TMTC4: variants seen among roughly 807,000 people sequenced by gnomAD.
TMTC4 encodes protein O-mannosyl-transferase TMTC4.
Under a neutral mutation model 86.0 loss-of-function variants are expected in TMTC4, and 65 were observed. The ratio of observed to expected loss-of-function variants is 0.76; its 90% CI spans 0.62 to 0.93. The LOEUF (loss-of-function observed/expected upper bound fraction) is 0.93. TMTC4 is among the 40% of genes least tolerant of loss of function. TMTC4 has a pLI of 0.00. For missense variants in TMTC4, 866 were observed against 948.1 expected, an observed-to-expected ratio of 0.91 and a Z score of 1.14; for synonymous variants, 379 against 382.5, an observed-to-expected ratio of 0.99 and a Z score of 0.11.
rs115416401 is a variant in TMTC4 at position 100,614,509 on chromosome 13, A to G, written c.1837-79T>C. On this transcript the variant is annotated intron_variant, in intron 15 of 18. Transcript: ENST00000342624. The stretch of plus-strand genomic sequence containing the variant: ...TCCAAGACATTATTAAAAAAAAAAA[A>G]AAAGAAAGAAAAAGCCCAACAAACA... The G allele has an allele frequency of 9.2e-4, 1,020 of 1,105,284 alleles. 9 individuals carry two copies. In the African/African-American group the frequency reaches 0.013, roughly 15 times the overall value. 68.5% of individuals were successfully genotyped at this position (1,105,284 alleles called of 1,614,324 possible).
chr13:100,672,413 C>T (rs1281010224), intron 1 of TMTC4, among the ~76,000 whole-genome samples: 3 of 152,202 alleles, frequency 2.0e-5, no homozygotes, highest in Non-Finnish European at 4.4e-5. Context: ...CCTCAATGAC[C>T]TGAGCCAGGC....
In TMTC4 at chr13:100,656,466, A is replaced by T; in HGVS notation, c.555T>A (p.Val185=). ...GGTCTGCACGGCCGACAACACCAGC[A>T]ACCTTAAAAAAGGGGGAAGAAAACA... is the stretch of plus-strand genomic sequence containing the variant. ...FAVHPVHTEC[V]AGVVGRADLL... The change falls in exon 6 of 19, where the codon GTT becomes GTA. Residue 185 remains valine (V), a splice_region_variant and synonymous_variant. Transcript: ENST00000342624. 1 of 1,600,410 alleles carries T rather than the reference A, an allele frequency of 6.2e-7. No individual in the cohort carries two copies. Among genetic ancestry groups the T allele is most frequent in the Non-Finnish European group, 8.5e-7 (1 of 1,174,444 alleles).
At chr13:100,670,910 C>T (rs974454254) in intron 1 of TMTC4, among the ~76,000 whole-genome samples, 42 of 152,346 alleles carry the variant, frequency 2.8e-4, no homozygotes, top group African/African-American at 8.9e-4. Context: ...GCTGAGATCA[C>T]ACCTCGGCTC....
chr13:100,656,183 T>A (rs1885085168), intron 6 of TMTC4, among the ~76,000 whole-genome samples, 198 bp downstream of exon 6: 1 of 152,232 alleles, frequency 6.6e-6, no homozygotes, highest in Non-Finnish European at 1.5e-5. Flanking sequence ...AACACCAGTG[T>A]CAGAGCTTTG....
At chr13:100,643,613 A>G (rs970091131) in intron 6 of TMTC4, among the ~76,000 whole-genome samples, 1 of 152,234 alleles carries the variant, frequency 6.6e-6, no homozygotes, top group African/African-American at 2.4e-5. Flanking sequence ...GGAGGGAGAA[A>G]GTCTTACTTT....
intron 15 of TMTC4, among the ~76,000 whole-genome samples, chr13:100,623,160 A>G (rs931570503): frequency 2.0e-5 from 3 of 152,260 alleles, no homozygotes; most frequent in Admixed American, 2.0e-4. Context: ...CCAAGTTCAG[A>G]CAGAGCTGCT....
chr13:100,659,233 T>C (rs1347583589), intron 5 of TMTC4, among the ~76,000 whole-genome samples: 2 of 152,188 alleles, frequency 1.3e-5, no homozygotes, highest in Non-Finnish European at 2.9e-5. Context: ...ACGTCTGGGT[T>C]CATTAGACAG....
At chr13:100,614,271 C>T (rs79807894) in intron 16 of TMTC4, 45 bp downstream of exon 16, 3 of 1,434,238 alleles carry the variant, frequency 2.1e-6, no homozygotes, top group Non-Finnish European at 2.9e-6. Flanking sequence ...TGGCATTTTA[C>T]TGTGGAGCCA....
intron 1 of TMTC4, among the ~76,000 whole-genome samples, chr13:100,672,487 T>G (rs1887234491): frequency 6.6e-6 from 1 of 152,200 alleles, no homozygotes; most frequent in Admixed American, 6.5e-5. Context: ...CCACCCTCTC[T>G]ACATCCCTTC....
chr13:100,672,485 T>C (rs1272963349), intron 1 of TMTC4, among the ~76,000 whole-genome samples: 1 of 152,144 alleles, frequency 6.6e-6, no homozygotes. Context: ...GACCACCCTC[T>C]CTACATCCCT....
rs118150059 is a variant in TMTC4 at position 100,667,156 on chromosome 13, G to A, written c.219+1423C>T. On this transcript the variant is annotated intron_variant, in intron 3 of 18. Coordinates refer to ENST00000342624, the MANE Select transcript of TMTC4 (RefSeq NM_032813.5). ...CTTGAATTAAAAATAAATATTGGCC[G>A]GGTGTGGTGGCTCACACCTGTAATC... Among the ~76,000 whole-genome samples, 231 of 152,272 alleles carry A rather than the reference G, an allele frequency of 1.5e-3. 4 individuals carry two copies. The East Asian group carries it at 0.02, about 13-fold the overall frequency.
In TMTC4 at chr13:100,662,992, A is replaced by T. The variant is rs1885964090; in HGVS notation, c.524T>A (p.Phe175Tyr). The stretch of plus-strand genomic sequence containing the variant: ...CTCGGTGTGCACAGGATGGACAGCA[A>T]ACAGCAGCGCGGCCAGCAGGGACGC... ...PRASLLAALL[F>Y]AVHPVHTECV... Residue 175 changes from phenylalanine (F) to tyrosine (Y), a missense_variant, in exon 5 of 19, where the codon TTT becomes TAT. By Grantham distance (22) the Phe-to-Tyr change is conservative. Transcript: ENST00000342624. The T allele has an allele frequency of 6.2e-7, 1 of 1,613,990 alleles. No homozygotes were observed.
At chr13:100,672,988 C>T (rs1179379235) in intron 1 of TMTC4, among the ~76,000 whole-genome samples, 1 of 152,164 alleles carries the variant, frequency 6.6e-6, no homozygotes, top group Non-Finnish European at 1.5e-5. Context: ...GCCTCTGCTA[C>T]AGGCCAAGCA....
intron 15 of TMTC4, among the ~76,000 whole-genome samples, chr13:100,617,987 CGTTTGTGTCACCTCT>C (rs1878779399): frequency 6.6e-6 from 1 of 152,262 alleles, no homozygotes; most frequent in East Asian, 1.9e-4. Context: ...TTTTTCCACT[CGTTTGTGTCACCTCT>C]GATTTCTTTC....
Position 100,636,693 on chromosome 13 carries a change from C to A in TMTC4, c.1041G>T (p.Leu347=). 6.2e-7 allele frequency: 1 copy of A among 1,614,228 alleles called. No homozygotes were observed. The highest frequency in any genetic ancestry group is 8.5e-7 in the Non-Finnish European group (1 of 1,180,044). Residue 347 remains leucine, a synonymous_variant, in exon 10 of 19, where the codon CTG becomes CTT. Coordinates refer to ENST00000342624, the MANE Select transcript of TMTC4 (RefSeq NM_032813.5). ...AACACAGCCACCAGGGACACAGCAG[C>A]AGCCAGGCATTCAATGAATAGTAGT... The part of the protein sequence containing the change: ...YNYYYSLNAW[L]LLCPWWLCFD...
intron 3 of TMTC4, among the ~76,000 whole-genome samples, chr13:100,666,465 C>T (rs561484356): frequency 8.5e-5 from 13 of 152,328 alleles, no homozygotes; most frequent in African/African-American, 2.9e-4. Flanking sequence ...TCTGCCTCAC[C>T]TCACAGAAGG....
At chr13:100,613,236 C>A (rs1020894047) in intron 16 of TMTC4, among the ~76,000 whole-genome samples, 1 of 152,170 alleles carries the variant, frequency 6.6e-6, no homozygotes, top group Non-Finnish European at 1.5e-5. Context: ...TCTTTATCCC[C>A]GCCCCCTTCC....
At chr13:100,669,730 G>C (rs1286995637) in intron 2 of TMTC4, among the ~76,000 whole-genome samples, 1 of 152,020 alleles carries the variant, frequency 6.6e-6, no homozygotes, top group Non-Finnish European at 1.5e-5. Flanking sequence ...TCCCGCCTTG[G>C]AATTCGCCAA....
intron 2 of TMTC4, among the ~76,000 whole-genome samples, chr13:100,669,065 G>A (rs1886749710): frequency 6.6e-6 from 1 of 152,088 alleles, no homozygotes; most frequent in South Asian, 2.1e-4. Context: ...CGAATGTAAT[G>A]GTATCCTCAT....
Sources: allele counts gnomAD v4.1 joint callset (sites outside exome capture counted in the v4.1 genomes callset), GRCh38; gene constraint gnomAD v4.1.1; transcripts MANE v1.5; gene names NCBI Gene and HGNC (gene_info 2026-07-23, HGNC 2026-07-21).